SGCZ: variants seen among roughly 807,000 people sequenced by gnomAD.
The protein encoded by SGCZ is zeta-sarcoglycan.
In SGCZ, 40 loss-of-function variants were observed where a neutral mutation model predicts 41.3. The ratio of observed to expected loss-of-function variants is 0.97; its 90% CI spans 0.75 to 1.26. The LOEUF is 1.26. SGCZ is among the 50% of genes most tolerant of loss of function. SGCZ has a pLI of 0.00. For synonymous variants in SGCZ, 206 were observed against 137.5 expected (o/e 1.50, Z -3.49); for missense variants, 552 against 369.8 (o/e 1.49, Z -4.04).
Position 14,968,682 on chromosome 8 carries a change from T to C in SGCZ, c.39+268903A>G, listed in dbSNP as rs368967873. Reference sequence around the variant, plus strand: ...CATTGGTAAGAGGAGGAGGTTTAAATACAGCTACCTTGAGAAAATGACTTC... The same window carrying C: ...CATTGGTAAGAGGAGGAGGTTTAAACACAGCTACCTTGAGAAAATGACTTC... On this transcript the variant is annotated intron_variant, in intron 1 of 7. Coordinates refer to ENST00000382080, the MANE Select transcript of SGCZ (RefSeq NM_139167.4). Among the ~76,000 whole-genome samples, 17 of 152,190 alleles carry C rather than the reference T, an allele frequency of 1.1e-4. No individual in the cohort carries two copies. In the South Asian group the frequency reaches 3.5e-3, roughly 32 times the overall value.
intron 3 of SGCZ, among the ~76,000 whole-genome samples, chr8:14,307,863 G>A (rs993561606): frequency 1.3e-5 from 2 of 152,062 alleles, no homozygotes; most frequent in African/African-American, 2.4e-5. Context: ...CAATTTTAAA[G>A]AGTAAGTGGT....
chr8:14,187,012 C>A (rs145384683), intron 4 of SGCZ, among the ~76,000 whole-genome samples: 4 of 152,204 alleles, frequency 2.6e-5, no homozygotes, highest in African/African-American at 9.6e-5. Context: ...TAAACTCTAC[C>A]AATTGCTGGC....
intron 1 of SGCZ, among the ~76,000 whole-genome samples, chr8:15,023,434 A>G (rs1437324642): frequency 6.6e-6 from 1 of 152,062 alleles, no homozygotes; most frequent in African/African-American, 2.4e-5. Flanking sequence ...TCCCACACAC[A>G]TTCCTTTTTG....
chr8:15,180,571 A>C (rs1250969680), intron 1 of SGCZ, among the ~76,000 whole-genome samples: 1 of 151,364 alleles, frequency 6.6e-6, no homozygotes, highest in African/African-American at 2.4e-5. Context: ...GCACTGATAC[A>C]AAGAACAAGT....
intron 1 of SGCZ, among the ~76,000 whole-genome samples, chr8:15,211,392 CTTT>C (rs1369466626): frequency 6.6e-6 from 1 of 151,912 alleles, no homozygotes; most frequent in Non-Finnish European, 1.5e-5. Flanking sequence ...GAAGTCTATT[CTTT>C]TTCTCATTGT....
intron 1 of SGCZ, among the ~76,000 whole-genome samples, chr8:14,615,989 A>T (rs1806087318): frequency 6.6e-6 from 1 of 152,126 alleles, no homozygotes; most frequent in South Asian, 2.1e-4. Flanking sequence ...TGATTGTAGT[A>T]TGGAAAACCC....
chr8:14,586,574 A>G (rs1805065670), intron 1 of SGCZ, among the ~76,000 whole-genome samples: 1 of 152,184 alleles, frequency 6.6e-6, no homozygotes, highest in Non-Finnish European at 1.5e-5. Flanking sequence ...TAATTAAAAA[A>G]CAAATGAAAC....
At chr8:14,806,881 C>G (rs1228365597) in intron 1 of SGCZ, among the ~76,000 whole-genome samples, 1 of 150,948 alleles carries the variant, frequency 6.6e-6, no homozygotes, top group Admixed American at 6.6e-5. Context: ...AGCTTATCCA[C>G]CATGATCAAG....
intron 2 of SGCZ, among the ~76,000 whole-genome samples, chr8:14,488,051 G>A (rs1010900091): frequency 3.3e-5 from 5 of 152,228 alleles, no homozygotes; most frequent in Non-Finnish European, 7.3e-5. Context: ...CTAAGTCCCT[G>A]AGGCTCCCAA....
In SGCZ at chr8:15,015,993, C is replaced by T. The variant is rs75086135; in HGVS notation, c.39+221592G>A. ...TTGTAAAAATTATTTTTCTCTCTAT[C>T]TCCAGTTGCTAGAAGTTTACATTCA... On this transcript the variant is annotated intron_variant, in intron 1 of 7. Transcript: ENST00000382080. 2.1e-3 allele frequency among the ~76,000 whole-genome samples: 316 copies of T among 152,082 alleles called. 1 individual carries two copies. The highest frequency in any genetic ancestry group is 6.7e-3 in the African/African-American group (279 of 41,476).
At chr8:14,849,595 A>G (rs1297098490) in intron 1 of SGCZ, among the ~76,000 whole-genome samples, 1 of 152,162 alleles carries the variant, frequency 6.6e-6, no homozygotes, top group Non-Finnish European at 1.5e-5. Context: ...AATGCAAACT[A>G]ATCTATCACG....
chr8:14,618,693 A>T (rs770309485), intron 1 of SGCZ, among the ~76,000 whole-genome samples: 2 of 152,202 alleles, frequency 1.3e-5, no homozygotes, highest in African/African-American at 4.8e-5. Flanking sequence ...TAGGAAGAAT[A>T]AATAAGAGTC....
At position 14,983,347 on chromosome 8, in the gene SGCZ, A is replaced by G. The variant is rs150996269; in HGVS notation, c.39+254238T>C. On this transcript the variant is annotated intron_variant, in intron 1 of 7. Transcript: ENST00000382080. ...CAGGTGGCTACGGCAATTGGCACAC[A>G]CCACCACATCTGGCTAATGTATTTT... 1.0e-3 allele frequency among the ~76,000 whole-genome samples: 153 copies of G among 151,196 alleles called. 1 individual carries two copies. In the East Asian group the frequency reaches 0.027, roughly 27 times the overall value.
intron 2 of SGCZ, among the ~76,000 whole-genome samples, chr8:14,437,745 T>G (rs1395461646): frequency 6.6e-6 from 1 of 151,772 alleles, no homozygotes; most frequent in Non-Finnish European, 1.5e-5. Context: ...TATTAAAATT[T>G]TTATTGTTGC....
intron 1 of SGCZ, among the ~76,000 whole-genome samples, chr8:15,066,315 C>CCAA (rs1805144866): frequency 2.8e-5 from 3 of 106,942 alleles, no homozygotes; most frequent in African/African-American, 1.1e-4. Flanking sequence ...ACTCCGTCTC[C>CCAA]AAAAAAAAAA....
chr8:14,334,052 C>A (rs774786692), intron 2 of SGCZ, among the ~76,000 whole-genome samples: 1 of 152,010 alleles, frequency 6.6e-6, no homozygotes, highest in African/African-American at 2.4e-5. Context: ...CCTGAATACA[C>A]CTCTGTTTTT....
chr8:14,760,971 T>C (rs1026172536), intron 1 of SGCZ, among the ~76,000 whole-genome samples: 5 of 152,178 alleles, frequency 3.3e-5, no homozygotes, highest in Admixed American at 3.3e-4. Flanking sequence ...TGTTAAACTG[T>C]TGGATGTCAG....
At chr8:14,808,693 C>T (rs1417300425) in intron 1 of SGCZ, among the ~76,000 whole-genome samples, 1 of 152,000 alleles carries the variant, frequency 6.6e-6, no homozygotes, top group Non-Finnish European at 1.5e-5. Context: ...GGATCTAGAA[C>T]TAGAAATACC....
chr8:14,442,855 T>C (rs935592111), intron 2 of SGCZ, among the ~76,000 whole-genome samples: 1 of 152,182 alleles, frequency 6.6e-6, no homozygotes, highest in African/African-American at 2.4e-5. Context: ...TATTATTGTC[T>C]GTCTAATCTT....
Sources: gnomAD v4.1 joint callset for allele counts (sites outside exome capture counted in the v4.1 genomes callset) on GRCh38, gnomAD v4.1.1 for gene constraint, MANE v1.5 for transcripts, NCBI Gene and HGNC (gene_info 2026-07-23, HGNC 2026-07-21) for gene names.